The following CPNE8 variants were observed in gnomAD, a reference collection of about 807,000 sequenced individuals.
The protein encoded by CPNE8 is copine-8.
Under a neutral mutation model 81.5 loss-of-function variants are expected in CPNE8, and 45 were observed. The observed-to-expected ratio is 0.55, with a 90% CI of 0.44 to 0.71. CPNE8 has a LOEUF of 0.71. Ranked by LOEUF, CPNE8 falls within the 30% of genes least tolerant of loss-of-function variation. The pLI is 0.00. For missense variants in CPNE8, 594 were observed against 672.1 expected (o/e 0.88, Z 1.28); for synonymous variants, 252 against 226.3 (o/e 1.11, Z -1.02).
intron 19 of CPNE8, among the ~76,000 whole-genome samples, chr12:38,658,289 A>G (rs1362254001): frequency 6.6e-6 from 1 of 152,208 alleles, no homozygotes; most frequent in East Asian, 1.9e-4. Context: ...CAAGTAGAAG[A>G]AAGGATATCA....
intron 6 of CPNE8, among the ~76,000 whole-genome samples, chr12:38,776,510 A>C (rs1407389763): frequency 6.6e-6 from 1 of 151,788 alleles, no homozygotes; most frequent in Admixed American, 6.6e-5. Flanking sequence ...GGGTTTCGCC[A>C]TGTTGGCCAA....
intron 6 of CPNE8, 70 bp downstream of exon 6, chr12:38,829,309 C>G: frequency 9.4e-7 from 1 of 1,060,148 alleles, no homozygotes; most frequent in Non-Finnish European, 1.5e-6. Flanking sequence ...CATGCATTCA[C>G]CAATTCCAAA....
At chr12:38,728,588 A>G (rs1940759513) in intron 11 of CPNE8, among the ~76,000 whole-genome samples, 1 of 152,134 alleles carries the variant, frequency 6.6e-6, no homozygotes, top group East Asian at 1.9e-4. Context: ...CAAACAAACA[A>G]AAACAAAAAA....
At chr12:38,717,481 C>T (rs1940434945) in intron 13 of CPNE8, among the ~76,000 whole-genome samples, 2 of 110,354 alleles carry the variant, frequency 1.8e-5, no homozygotes, top group Admixed American at 1.1e-4. Context: ...ACTACTCAGT[C>T]ATTAAAAGGA....
At chr12:38,786,305 G>T (rs1477000075) in intron 6 of CPNE8, among the ~76,000 whole-genome samples, 1 of 152,174 alleles carries the variant, frequency 6.6e-6, no homozygotes, top group Admixed American at 6.5e-5. Flanking sequence ...TGAGGGTGCT[G>T]CCAAAAGAGA....
At chr12:38,795,513 T>C (rs548994385) in intron 6 of CPNE8, among the ~76,000 whole-genome samples, 104 of 152,272 alleles carry the variant, frequency 6.8e-4, no homozygotes, top group African/African-American at 2.3e-3. Flanking sequence ...CAAAATGTGG[T>C]ATATACATAG....
At chr12:38,765,110 C>T (rs914034694) in intron 8 of CPNE8, among the ~76,000 whole-genome samples, 2 of 152,144 alleles carry the variant, frequency 1.3e-5, no homozygotes, top group Admixed American at 1.3e-4. Flanking sequence ...GGCAGGCAGT[C>T]ATTTATTGCC....
At chr12:38,843,958 T>A (rs1943513276) in intron 4 of CPNE8, among the ~76,000 whole-genome samples, 2 of 152,102 alleles carry the variant, frequency 1.3e-5, no homozygotes, top group African/African-American at 4.8e-5. Flanking sequence ...GTAAGATGGT[T>A]CTAAGAAACA....
At chr12:38,792,938 T>G (rs1942359710) in intron 6 of CPNE8, among the ~76,000 whole-genome samples, 1 of 151,728 alleles carries the variant, frequency 6.6e-6, no homozygotes, top group Admixed American at 6.6e-5. Flanking sequence ...CATATGAAAA[T>G]CAATCAATGT....
At chr12:38,880,222 A>G (rs1347129849) in intron 1 of CPNE8, among the ~76,000 whole-genome samples, 1 of 152,338 alleles carries the variant, frequency 6.6e-6, no homozygotes, top group Non-Finnish European at 1.5e-5. Flanking sequence ...GGTTTTAATT[A>G]AAATTTTGTA....
At chr12:38,822,627 C>T (rs1296779030) in intron 6 of CPNE8, among the ~76,000 whole-genome samples, 2 of 152,164 alleles carry the variant, frequency 1.3e-5, no homozygotes, top group Non-Finnish European at 2.9e-5. Flanking sequence ...ATTTGATGCA[C>T]TTTGCTCAAA....
At chr12:38,824,956 T>C (rs1943165841) in intron 6 of CPNE8, among the ~76,000 whole-genome samples, 1 of 152,132 alleles carries the variant, frequency 6.6e-6, no homozygotes, top group Non-Finnish European at 1.5e-5. Flanking sequence ...CAGTAGAATG[T>C]TTAGTGGCTG....
intron 5 of CPNE8, among the ~76,000 whole-genome samples, chr12:38,835,850 C>A (rs1943370751): frequency 6.6e-6 from 1 of 151,946 alleles, no homozygotes; most frequent in Non-Finnish European, 1.5e-5. Flanking sequence ...CAAAATAATC[C>A]AGTGACCCAT....
Position 38,724,883 on chromosome 12 carries a change from T to C in CPNE8, c.815A>G (p.Lys272Arg), listed in dbSNP as rs780025337. 21 of 1,518,744 alleles carry C rather than the reference T, an allele frequency of 1.4e-5. No individual in the cohort carries two copies. The highest frequency in any genetic ancestry group is 1.8e-5 in the Non-Finnish European group (20 of 1,102,356). The allele number at this position is 1,518,744 out of a possible 1,614,324, so 94.1% of individuals were successfully genotyped here. A position where few individuals can be genotyped will look rare whatever the true frequency, so the allele number is the denominator to read the frequency against. Residue 272 changes from lysine (K) to arginine (R), a missense_variant, in exon 12 of 20, where the codon AAG becomes AGG. Lys to Arg is a conservative substitution (Grantham distance 26). Transcript: ENST00000331366. ...FNVYEVVNPKKKGKKKKYTNS... is the reference protein window; with the variant it reads ...FNVYEVVNPKRKGKKKKYTNS... ...AGTATATTTTTTCTTTTTTCCTTTC[T>C]TTTTGGGATTCACCACCTTAAAAAG...
chr12:38,809,386 C>T (rs1268929054), intron 6 of CPNE8, among the ~76,000 whole-genome samples: 1 of 152,178 alleles, frequency 6.6e-6, no homozygotes, highest in Non-Finnish European at 1.5e-5. Flanking sequence ...CTTTCTCTTG[C>T]ATTGCATCTC....
chr12:38,751,631 A>G lies in CPNE8; in HGVS notation c.722+9216T>C, dbSNP rs1423906606. 5.3e-5 allele frequency among the ~76,000 whole-genome samples: 8 copies of G among 152,334 alleles called. No homozygotes were observed. In the East Asian group the frequency reaches 1.5e-3, roughly 29 times the overall value. ...GGCCAAATTAAAAACTAGTACTTTCAGATAACTTGAGTTCATTTTCAGTGA... is the reference window on the plus strand; with the variant it reads ...GGCCAAATTAAAAACTAGTACTTTCGGATAACTTGAGTTCATTTTCAGTGA... On this transcript the variant is annotated intron_variant, in intron 10 of 19. Transcript: ENST00000331366.
intron 9 of CPNE8, among the ~76,000 whole-genome samples, chr12:38,761,833 G>A (rs1311333107): frequency 1.3e-5 from 2 of 152,178 alleles, no homozygotes; most frequent in Admixed American, 6.5e-5. Flanking sequence ...TTGACAATAT[G>A]TCTAAGCATA....
At chr12:38,854,589 T>C (rs1172103270) in intron 3 of CPNE8, among the ~76,000 whole-genome samples, 1 of 152,008 alleles carries the variant, frequency 6.6e-6, no homozygotes, top group African/African-American at 2.4e-5. Context: ...GTGGGATTTA[T>C]CCCTGGGATG....
At position 38,891,540 on chromosome 12, in the gene CPNE8, C is replaced by A. The variant is rs539745251; in HGVS notation, c.98+13897G>T. On this transcript the variant is annotated intron_variant, in intron 1 of 19. Transcript: ENST00000331366. Reference sequence around the variant, plus strand: ...TCGGCTCACCACAACCTCCACTTCCCAGGTTCAAGCAATTCTCCTGCCTCA... The same window carrying A: ...TCGGCTCACCACAACCTCCACTTCCAAGGTTCAAGCAATTCTCCTGCCTCA... 3.6e-4 allele frequency among the ~76,000 whole-genome samples: 55 copies of A among 151,938 alleles called. No individual in the cohort carries two copies. In the East Asian group the frequency reaches 9.9e-3, roughly 27 times the overall value.
Sources: allele counts gnomAD v4.1 joint callset (sites outside exome capture counted in the v4.1 genomes callset), GRCh38; gene constraint gnomAD v4.1.1; transcripts MANE v1.5; gene names NCBI Gene and HGNC (gene_info 2026-07-23, HGNC 2026-07-21).